The following SPECC1 variants were observed in gnomAD, a reference collection of about 807,000 sequenced individuals.
SPECC1 encodes the protein cytospin-B.
SPECC1 carries 62 observed loss-of-function variants against 104.1 expected under a neutral mutation model. That is an observed-to-expected ratio of 0.60 (90% CI 0.49 to 0.74). SPECC1 has a LOEUF of 0.74. Among genes scored for constraint, SPECC1 ranks in the 30% least tolerant of loss-of-function variants. SPECC1 has a pLI of 0.00. For synonymous variants in SPECC1, 513 were observed against 501.6 expected (o/e 1.02, Z -0.30); for missense variants, 1,306 against 1,310.5 (o/e 1.00, Z 0.05).
intron 3 of SPECC1, among the ~76,000 whole-genome samples, chr17:20,194,270 C>G (rs1415673964): frequency 6.6e-6 from 1 of 151,916 alleles, no homozygotes; most frequent in Non-Finnish European, 1.5e-5. Flanking sequence ...TTTTGAGGTC[C>G]CAGGATAACT....
intron 1 of SPECC1, among the ~76,000 whole-genome samples, chr17:20,065,067 C>T (rs1161611341): frequency 3.9e-5 from 6 of 152,160 alleles, no homozygotes; most frequent in South Asian, 2.1e-4. Flanking sequence ...TTTTGTTTAA[C>T]AATTTGTATA....
intron 5 of SPECC1, among the ~76,000 whole-genome samples, chr17:20,228,615 C>T (rs374356653): frequency 2.8e-4 from 43 of 152,254 alleles, no homozygotes; most frequent in African/African-American, 9.9e-4. Flanking sequence ...AGTGGATGAA[C>T]AATGTGTGCT....
intron 3 of SPECC1, among the ~76,000 whole-genome samples, chr17:20,123,431 C>T (rs559922638): frequency 1.3e-5 from 2 of 152,300 alleles, no homozygotes; most frequent in Admixed American, 6.5e-5. Flanking sequence ...TCAGTGTCCT[C>T]GCTGATACCT....
chr17:20,204,230 C>T (rs151222800), intron 3 of SPECC1, 103 bp from the exon 4 acceptor site: 16,818 of 1,361,226 alleles, frequency 0.012, 153 homozygotes, highest in Middle Eastern at 0.022. Context: ...GGATGAAGAG[C>T]GACAGCCACT....
chr17:20,041,852 C>A (rs1225668185), intron 1 of SPECC1, among the ~76,000 whole-genome samples: 9 of 151,126 alleles, frequency 6.0e-5, no homozygotes, highest in Non-Finnish European at 1.0e-4. Context: ...GTCTCGATCT[C>A]CTGATCTTGT....
At chr17:20,221,984 G>A (rs1265191745) in intron 4 of SPECC1, among the ~76,000 whole-genome samples, 2 of 150,524 alleles carry the variant, frequency 1.3e-5, no homozygotes, top group African/African-American at 4.9e-5. Flanking sequence ...TTTATTCCAT[G>A]GTGGTCAGAG....
intron 3 of SPECC1, among the ~76,000 whole-genome samples, chr17:20,124,057 T>C (rs1358971809): frequency 1.3e-5 from 2 of 151,762 alleles, no homozygotes; most frequent in Non-Finnish European, 2.9e-5. Context: ...GTTTTGGAGT[T>C]GAGAGGCCGG....
At chr17:20,213,908 G>C (rs2037319329) in intron 4 of SPECC1, among the ~76,000 whole-genome samples, 2 of 152,052 alleles carry the variant, frequency 1.3e-5, no homozygotes, top group African/African-American at 4.8e-5. Flanking sequence ...CTTTTATTGA[G>C]ATATGATCCA....
chr17:20,090,592 A>G (rs1330282424), intron 1 of SPECC1, among the ~76,000 whole-genome samples: 1 of 34,208 alleles, frequency 2.9e-5, no homozygotes, highest in Non-Finnish European at 7.8e-5. Context: ...ACACTATTCC[A>G]AAAAAAAAAA....
chr17:20,022,194 G>T (rs2044419305), intron 1 of SPECC1, among the ~76,000 whole-genome samples: 3 of 152,074 alleles, frequency 2.0e-5, no homozygotes, highest in Admixed American at 2.0e-4. Context: ...GCCCGCCTCG[G>T]CCTCCCAAAG....
chr17:20,072,745 C>A (rs1206811966), intron 1 of SPECC1, among the ~76,000 whole-genome samples: 1 of 152,248 alleles, frequency 6.6e-6, no homozygotes, highest in Non-Finnish European at 1.5e-5. Flanking sequence ...CTCTGCCATG[C>A]AAGAGCAGAC....
At chr17:20,230,051 T>C (rs957890188) in intron 5 of SPECC1, among the ~76,000 whole-genome samples, 16 of 152,192 alleles carry the variant, frequency 1.1e-4, no homozygotes, top group Admixed American at 4.6e-4. Flanking sequence ...CTAAGTGTTA[T>C]TCAGGAAGAG....
chr17:20,169,708 G>A (rs1052997711), intron 3 of SPECC1, among the ~76,000 whole-genome samples: 2 of 152,074 alleles, frequency 1.3e-5, no homozygotes, highest in Admixed American at 1.3e-4. Flanking sequence ...TTGCTCTGTT[G>A]TTCAGGCTGG....
chr17:20,040,350 A>G (rs1157714481), intron 1 of SPECC1, among the ~76,000 whole-genome samples: 2 of 152,160 alleles, frequency 1.3e-5, no homozygotes, highest in African/African-American at 4.8e-5. Context: ...TCAACCATCA[A>G]TATAATTTAG....
intron 12 of SPECC1, among the ~76,000 whole-genome samples, chr17:20,263,648 G>T (rs570533225): frequency 6.6e-6 from 1 of 152,288 alleles, no homozygotes; most frequent in Non-Finnish European, 1.5e-5. Flanking sequence ...ATGGGAAATT[G>T]AAGAAAACAT....
intron 7 of SPECC1, chr17:20,238,554 T>A: frequency 9.6e-7 from 1 of 1,042,984 alleles, no homozygotes; most frequent in Non-Finnish European, 1.2e-6. Context: ...CAGGAAGATC[T>A]TTTGGGGTGT....
chr17:20,191,427 T>C (rs1198785141), intron 3 of SPECC1, among the ~76,000 whole-genome samples: 1 of 152,152 alleles, frequency 6.6e-6, no homozygotes, highest in Non-Finnish European at 1.5e-5. Context: ...AATAGTTGTG[T>C]AGTGATATCT....
At chr17:20,303,177 G>A (rs1490137709) in intron 13 of SPECC1, among the ~76,000 whole-genome samples, 1 of 152,130 alleles carries the variant, frequency 6.6e-6, no homozygotes, top group Admixed American at 6.5e-5. Context: ...TGGAATAATG[G>A]TGGCCTAAAA....
intron 12 of SPECC1, among the ~76,000 whole-genome samples, chr17:20,274,645 T>A (rs1428364098): frequency 6.6e-6 from 1 of 151,564 alleles, no homozygotes; most frequent in Non-Finnish European, 1.5e-5. Context: ...CACACCTGGC[T>A]AATTTTTTGT....
Sources: gnomAD v4.1 joint callset for allele counts (sites outside exome capture counted in the v4.1 genomes callset) on GRCh38, gnomAD v4.1.1 for gene constraint, MANE v1.5 for transcripts, NCBI Gene and HGNC (gene_info 2026-07-23, HGNC 2026-07-21) for gene names.